Variants in C9 observed in about 807,000 individuals in gnomAD.
C9 encodes complement component C9.
A neutral mutation model predicts 65.4 loss-of-function variants in C9; 63 were observed. The observed-to-expected ratio is 0.96, with a 90% CI of 0.79 to 1.19. C9 has a LOEUF of 1.19. Ranked by LOEUF, C9 falls within the 50% of genes most tolerant of loss-of-function variation. C9 has a pLI of 0.00. For missense variants in C9, 744 were observed against 670.1 expected (o/e 1.11, Z -1.22); for synonymous variants, 229 against 227.9 (o/e 1.00, Z -0.04).
At chr5:39,322,834 G>A (rs940312752) in intron 5 of C9, among the ~76,000 whole-genome samples, 1 of 152,008 alleles carries the variant, frequency 6.6e-6, no homozygotes, top group African/African-American at 2.4e-5. Flanking sequence ...ACATCACTTA[G>A]GTATTCTAAG....
intron 4 of C9, among the ~76,000 whole-genome samples, chr5:39,333,474 G>A (rs1189877519): frequency 6.6e-6 from 1 of 152,152 alleles, no homozygotes; most frequent in African/African-American, 2.4e-5. Context: ...TGATCCCAGT[G>A]AAAAGCAGAA....
intron 5 of C9, among the ~76,000 whole-genome samples, chr5:39,326,725 C>T (rs921278876): frequency 6.6e-5 from 10 of 152,184 alleles, no homozygotes; most frequent in Non-Finnish European, 1.5e-4. Flanking sequence ...ACTTGAGAAA[C>T]ATCAACATAG....
intron 4 of C9, among the ~76,000 whole-genome samples, chr5:39,340,734 T>A (rs1754061169): frequency 6.6e-6 from 1 of 152,184 alleles, no homozygotes. Flanking sequence ...CAGGAGAAGT[T>A]CCAATGGAAG....
At chr5:39,342,280 T>A (rs1754101531) in intron 1 of C9, 84 bp from the exon 2 acceptor site, 6 of 759,502 alleles carry the variant, frequency 7.9e-6, no homozygotes, top group Non-Finnish European at 1.4e-5. Context: ...GTTCATTTTG[T>A]ACTTTATCCC....
At chr5:39,359,017 AATATATATAT>A (rs58599841) in intron 1 of C9, among the ~76,000 whole-genome samples, 89 of 130,722 alleles carry the variant, frequency 6.8e-4, no homozygotes, top group Admixed American at 9.3e-4. Flanking sequence ...ATAAATAAAA[AATATATATAT>A]ATATATATAT....
chr5:39,343,374 G>C (rs1754127529), intron 1 of C9, among the ~76,000 whole-genome samples: 1 of 152,244 alleles, frequency 6.6e-6, no homozygotes, highest in Admixed American at 6.5e-5. Context: ...CACACTAGGA[G>C]ATTATATCCT....
chr5:39,314,507 C>T (rs911962664), intron 6 of C9, among the ~76,000 whole-genome samples: 1 of 151,816 alleles, frequency 6.6e-6, no homozygotes, highest in Admixed American at 6.6e-5. Flanking sequence ...CTCAAGTGAC[C>T]TCCCATGTCA....
At chr5:39,312,440 A>T (rs1255942258) in intron 6 of C9, among the ~76,000 whole-genome samples, 8 of 152,194 alleles carry the variant, frequency 5.3e-5, no homozygotes, top group Non-Finnish European at 7.3e-5. Flanking sequence ...TATGAATAAT[A>T]CTTGACAGCA....
intron 1 of C9, among the ~76,000 whole-genome samples, chr5:39,353,427 T>A (rs1297619385): frequency 6.6e-6 from 1 of 152,170 alleles, no homozygotes; most frequent in Non-Finnish European, 1.5e-5. Flanking sequence ...CCACTTAAGC[T>A]CCAGCTACAC....
intron 1 of C9, among the ~76,000 whole-genome samples, chr5:39,351,433 T>C (rs2111975285): frequency 6.6e-6 from 1 of 152,346 alleles, no homozygotes. Flanking sequence ...TACCTTATGG[T>C]CAGGCTGCAA....
At chr5:39,349,012 G>A (rs1213297793) in intron 1 of C9, among the ~76,000 whole-genome samples, 1 of 141,968 alleles carries the variant, frequency 7.0e-6, no homozygotes, top group African/African-American at 2.6e-5. Context: ...CACACACTGG[G>A]GCATGTTGTG....
At chr5:39,297,936 T>A (rs1382838435) in intron 9 of C9, among the ~76,000 whole-genome samples, 2 of 151,610 alleles carry the variant, frequency 1.3e-5, no homozygotes, top group Non-Finnish European at 1.5e-5. Context: ...TTAAAAATAC[T>A]CAATATATTG....
chr5:39,325,941 G>A (rs1222686932), intron 5 of C9, among the ~76,000 whole-genome samples: 4 of 151,952 alleles, frequency 2.6e-5, no homozygotes, highest in African/African-American at 7.3e-5. Context: ...ACCAGCATTC[G>A]AATCATTATC....
At chr5:39,318,680 G>T (rs1753615549) in intron 5 of C9, among the ~76,000 whole-genome samples, 2 of 152,012 alleles carry the variant, frequency 1.3e-5, no homozygotes, top group Admixed American at 6.5e-5. Flanking sequence ...GTCTGGGAAG[G>T]GGACACCTGT....
intron 1 of C9, among the ~76,000 whole-genome samples, chr5:39,352,993 T>C (rs768133054): frequency 2.0e-4 from 30 of 152,172 alleles, no homozygotes; most frequent in Non-Finnish European, 3.4e-4. Flanking sequence ...TATTATTTTG[T>C]TGGGCCCACT....
chr5:39,289,369 C>T (rs1395834468), intron 9 of C9, among the ~76,000 whole-genome samples: 1 of 151,610 alleles, frequency 6.6e-6, no homozygotes, highest in African/African-American at 2.4e-5. Context: ...TATCTCTTGC[C>T]TAAGAGGAGG....
chr5:39,337,896 A>G (rs978136949), intron 4 of C9, among the ~76,000 whole-genome samples: 2 of 152,198 alleles, frequency 1.3e-5, no homozygotes, highest in South Asian at 4.1e-4. Flanking sequence ...ATGTAGAAGA[A>G]TCTAACTGTA....
At chr5:39,320,184 A>G (rs2111906462) in intron 5 of C9, among the ~76,000 whole-genome samples, 1 of 152,334 alleles carries the variant, frequency 6.6e-6, no homozygotes, top group African/African-American at 2.4e-5. Flanking sequence ...GAAATTTACA[A>G]ACTGCCTGAT....
In C9 at chr5:39,331,773, T is replaced by A. The variant is rs1482965443; in HGVS notation, c.518A>T (p.Asp173Val). The A allele has an allele frequency of 6.2e-7, 1 of 1,613,146 alleles. No individual in the cohort carries two copies. The highest frequency in any genetic ancestry group is 1.7e-5 in the Admixed American group (1 of 60,020). ...LGMDPLSTPFDNEFYNGLCNR... is the reference protein window; with the variant it reads ...LGMDPLSTPFVNEFYNGLCNR... ...ACAGAGTCCATTGTAGAACTCATTG[T>A]CAAAAGGTGTGCTTAGGGGATCCAT... is the stretch of plus-strand genomic sequence containing the variant. The change falls in exon 5 of 11, where the codon GAC becomes GTC. Residue 173 changes from aspartate (D) to valine (V), a missense_variant. Physicochemically the swap from Asp to Val is radical, Grantham distance 152. Coordinates refer to ENST00000263408, the MANE Select transcript of C9 (RefSeq NM_001737.5).
Sources: gnomAD v4.1 joint callset for allele counts (sites outside exome capture counted in the v4.1 genomes callset) on GRCh38, gnomAD v4.1.1 for gene constraint, MANE v1.5 for transcripts, NCBI Gene and HGNC (gene_info 2026-07-23, HGNC 2026-07-21) for gene names.